The following TPST1 variants were observed in gnomAD, a reference collection of about 807,000 sequenced individuals.
The protein encoded by TPST1 is tyrosylprotein sulfotransferase 1, also known as protein-tyrosine sulfotransferase 1.
In TPST1, 20 loss-of-function variants were observed where a neutral mutation model predicts 34.8. That is an observed-to-expected ratio of 0.57 (90% CI 0.40 to 0.84). The LOEUF (loss-of-function observed/expected upper bound fraction) is 0.84, where lower values mean the gene tolerates loss of function less well. Ranked by LOEUF, TPST1 falls within the 40% of genes least tolerant of loss-of-function variation. TPST1 has a pLI of 0.00. For synonymous variants in TPST1, 152 were observed against 159.4 expected, an observed-to-expected ratio of 0.95 and a Z score of 0.35; for missense variants, 353 against 455.5, an observed-to-expected ratio of 0.78 and a Z score of 2.05.
upstream of TPST1, among the ~76,000 whole-genome samples, chr7:66,202,138 G>A (rs1442162315): frequency 6.6e-6 from 1 of 152,084 alleles, no homozygotes; most frequent in Non-Finnish European, 1.5e-5. Context: ...AGTATATTTT[G>A]GAGTTTTTTT....
At chr7:66,294,490 C>G (rs536186461) in intron 3 of TPST1, among the ~76,000 whole-genome samples, 8 of 151,834 alleles carry the variant, frequency 5.3e-5, no homozygotes, top group African/African-American at 1.4e-4. Context: ...TTTTATTTCC[C>G]CTTTTCAATT....
chr7:66,344,221 TC>T (rs1792296592), intron 3 of TPST1: 1 of 151,906 alleles, frequency 6.6e-6, no homozygotes. Context: ...CAGAGAGAGA[TC>T]TGTTGACTCC....
At chr7:66,357,818 G>T (rs1477054277) in intron 5 of TPST1, among the ~76,000 whole-genome samples, 1 of 152,222 alleles carries the variant, frequency 6.6e-6, no homozygotes. Context: ...GGGCATGGTG[G>T]CTCATGCCTG....
Position 66,240,573 on chromosome 7 carries a change from A to T in TPST1, c.148A>T (p.Thr50Ser). 6.2e-7 allele frequency: 1 copy of T among 1,614,212 alleles called. No individual in the cohort carries two copies. Reference protein sequence around the residue: ...QPVKLESTRTTVRTGLDLKAN... With the variant: ...QPVKLESTRTSVRTGLDLKAN... ...AGTCAAATTGGAGAGCACAAGGACC[A>T]CTGTGAGAACTGGCCTGGACCTCAA... The change falls in exon 2 of 6, where the codon ACT (threonine) becomes TCT (serine). Residue 50 changes from threonine (T) to serine (S), a missense_variant. Coordinates refer to ENST00000304842, the MANE Select transcript of TPST1 (RefSeq NM_003596.4).
intron 2 of TPST1, among the ~76,000 whole-genome samples, chr7:66,277,962 T>C (rs995176437): frequency 6.6e-6 from 1 of 151,762 alleles, no homozygotes; most frequent in Non-Finnish European, 1.5e-5. Flanking sequence ...TAGCTGGGTG[T>C]GGTAGTGGGT....
At chr7:66,355,902 CAAA>C (rs573200695) in intron 4 of TPST1, among the ~76,000 whole-genome samples, 3 of 56,896 alleles carry the variant, frequency 5.3e-5, no homozygotes, top group African/African-American at 7.1e-5. Flanking sequence ...AAGACTCCAT[CAAA>C]AAAAAAAAAA....
At chr7:66,267,402 G>T (rs1790613297) in intron 2 of TPST1, among the ~76,000 whole-genome samples, 1 of 151,974 alleles carries the variant, frequency 6.6e-6, no homozygotes, top group East Asian at 1.9e-4. Flanking sequence ...GGGGACTTTT[G>T]AGAAATGAAA....
chr7:66,248,775 A>G (rs1014282501), intron 2 of TPST1, among the ~76,000 whole-genome samples: 12 of 152,094 alleles, frequency 7.9e-5, no homozygotes, highest in African/African-American at 2.7e-4. Flanking sequence ...GGCCTCCCAA[A>G]GTGCTGGGAT....
chr7:66,283,034 C>T (rs540248447), intron 2 of TPST1, among the ~76,000 whole-genome samples: 10 of 152,172 alleles, frequency 6.6e-5, no homozygotes, highest in African/African-American at 2.2e-4. Context: ...TTTGGGAAGC[C>T]GAGGTGGGCA....
intron 3 of TPST1, among the ~76,000 whole-genome samples, chr7:66,329,778 G>A (rs936481506): frequency 4.6e-5 from 7 of 152,148 alleles, no homozygotes; most frequent in Admixed American, 1.3e-4. Flanking sequence ...AACAAAGAGC[G>A]AAATCATGTT....
intron 1 of TPST1, among the ~76,000 whole-genome samples, chr7:66,236,807 A>G (rs1024133578): frequency 2.6e-5 from 4 of 152,204 alleles, no homozygotes; most frequent in African/African-American, 9.6e-5. Flanking sequence ...AAGTGTGCAC[A>G]CACTTTATAA....
intron 3 of TPST1, among the ~76,000 whole-genome samples, chr7:66,323,720 G>A (rs983190840): frequency 6.6e-5 from 10 of 152,192 alleles, no homozygotes; most frequent in Admixed American, 1.3e-4. Context: ...AGTAGTTTAA[G>A]TCAGCCAGAG....
intron 1 of TPST1, among the ~76,000 whole-genome samples, chr7:66,238,827 G>T (rs1189739771): frequency 6.6e-6 from 1 of 152,120 alleles, no homozygotes; most frequent in Non-Finnish European, 1.5e-5. Context: ...AATTATTTTG[G>T]TGTACATGTA....
intron 3 of TPST1, among the ~76,000 whole-genome samples, chr7:66,305,763 G>A (rs1791409710): frequency 6.6e-6 from 1 of 152,132 alleles, no homozygotes. Context: ...TTTCTTTTGG[G>A]GAAGGATTTT....
At chr7:66,263,764 G>C (rs541028984) in intron 2 of TPST1, among the ~76,000 whole-genome samples, 1 of 152,296 alleles carries the variant, frequency 6.6e-6, no homozygotes, top group South Asian at 2.1e-4. Context: ...AAAAAGTTTT[G>C]CTATTTGGGG....
At chr7:66,335,850 C>T (rs1421410580) in intron 3 of TPST1, among the ~76,000 whole-genome samples, 1 of 152,190 alleles carries the variant, frequency 6.6e-6, no homozygotes, top group East Asian at 1.9e-4. Flanking sequence ...GAAGAAATGG[C>T]TGTGTCCTCA....
At chr7:66,358,756 C>A (rs953182318) in intron 5 of TPST1, among the ~76,000 whole-genome samples, 6 of 152,220 alleles carry the variant, frequency 3.9e-5, no homozygotes, top group Non-Finnish European at 5.9e-5. Flanking sequence ...GTTATCAGGC[C>A]TTGGCTAATT....
intron 4 of TPST1, among the ~76,000 whole-genome samples, chr7:66,353,295 C>A (rs746858988): frequency 1.3e-5 from 2 of 151,770 alleles, no homozygotes; most frequent in Non-Finnish European, 2.9e-5. Context: ...TGTGACAGAA[C>A]AAGACTGCCT....
chr7:66,281,563 A>G (rs1790932827), intron 2 of TPST1, among the ~76,000 whole-genome samples: 1 of 152,206 alleles, frequency 6.6e-6, no homozygotes, highest in South Asian at 2.1e-4. Flanking sequence ...TTGTATATAC[A>G]TTTTAAAATC....
Sources: allele counts gnomAD v4.1 joint callset (sites outside exome capture counted in the v4.1 genomes callset), GRCh38; gene constraint gnomAD v4.1.1; transcripts MANE v1.5; gene names NCBI Gene and HGNC (gene_info 2026-07-23, HGNC 2026-07-21).